Variants in RANBP2 observed in about 807,000 individuals in gnomAD.
RANBP2 encodes RAN binding protein 2, also known as E3 SUMO-protein ligase RanBP2.
In RANBP2, 57 loss-of-function variants were observed where a neutral mutation model predicts 303.6. The observed-to-expected ratio is 0.19, with a 90% confidence interval of 0.15 to 0.23. The LOEUF (loss-of-function observed/expected upper bound fraction) is 0.23. RANBP2 is among the 10% of genes least tolerant of loss of function. RANBP2 has a pLI of 1.00. For synonymous variants in RANBP2, 1,167 were observed against 1,301.5 expected (o/e 0.90, Z 2.23); for missense variants, 3,138 against 3,780.8 (o/e 0.83, Z 4.46).
At chr2:108,971,981 G>A in the RANBP2 span, among the ~76,000 whole-genome samples, 3 of 152,184 alleles carry the variant, frequency 2.0e-5, no homozygotes, top group East Asian at 3.9e-4. Context: ...CCCGTGGCCC[G>A]GAGCTGAGGC....
the RANBP2 span, among the ~76,000 whole-genome samples, chr2:109,347,037 A>G: frequency 6.6e-6 from 1 of 152,132 alleles, no homozygotes; most frequent in Non-Finnish European, 1.5e-5. Flanking sequence ...ACCGCTGGCC[A>G]TGAGTCCTCT....
At chr2:109,644,131 A>C in the RANBP2 span, among the ~76,000 whole-genome samples, 11,023 of 66,322 alleles carry the variant, frequency 0.17, 1,092 homozygotes, top group African/African-American at 0.36. Flanking sequence ...AAAAAAAAAA[A>C]CAAAAAAACA....
At chr2:109,070,068 C>A in the RANBP2 span, among the ~76,000 whole-genome samples, 7 of 152,154 alleles carry the variant, frequency 4.6e-5, no homozygotes, top group Non-Finnish European at 7.3e-5. Flanking sequence ...AGGAAGGGAG[C>A]CAGCCTGCGA....
the RANBP2 span, among the ~76,000 whole-genome samples, chr2:108,886,007 C>T: frequency 6.6e-6 from 1 of 152,156 alleles, no homozygotes; most frequent in East Asian, 1.9e-4. Flanking sequence ...ATCCATTCGT[C>T]CGCTGATGGG....
chr2:109,436,378 C>T, the RANBP2 span, among the ~76,000 whole-genome samples: 1 of 152,198 alleles, frequency 6.6e-6, no homozygotes, highest in South Asian at 2.1e-4. Flanking sequence ...GCATCTATTT[C>T]TGGTATGGAA....
chr2:109,700,498 A>G, the RANBP2 span, among the ~76,000 whole-genome samples: 1 of 152,150 alleles, frequency 6.6e-6, no homozygotes, highest in Non-Finnish European at 1.5e-5. Context: ...TCCAGGTCAC[A>G]GATAGACAAA....
the RANBP2 span, among the ~76,000 whole-genome samples, chr2:109,525,572 G>T: frequency 5.3e-5 from 8 of 152,198 alleles, no homozygotes; most frequent in Non-Finnish European, 1.5e-5. Flanking sequence ...GAACCCCAGG[G>T]CACTGCAGCC....
At chr2:108,957,378 G>C in the RANBP2 span, among the ~76,000 whole-genome samples, 3 of 152,230 alleles carry the variant, frequency 2.0e-5, no homozygotes, top group Non-Finnish European at 2.9e-5. Context: ...TTAGGAAGTC[G>C]GGGGCAGGTA....
the RANBP2 span, among the ~76,000 whole-genome samples, chr2:109,119,072 G>A: frequency 1.3e-5 from 2 of 152,244 alleles, no homozygotes; most frequent in African/African-American, 4.8e-5. Context: ...TAGGTGCAAT[G>A]AGGCTCTGAC....
At chr2:109,487,011 A>G in the RANBP2 span, among the ~76,000 whole-genome samples, 6 of 152,296 alleles carry the variant, frequency 3.9e-5, no homozygotes, top group South Asian at 1.2e-3. Context: ...GATCCCCCCA[A>G]CAGAGAGGAG....
At chr2:109,317,553 G>A in the RANBP2 span, among the ~76,000 whole-genome samples, 1 of 152,144 alleles carries the variant, frequency 6.6e-6, no homozygotes. Flanking sequence ...TGCCGGGCCT[G>A]CCTCATCTCT....
At position 108,720,772 on chromosome 2, in the gene RANBP2, G is replaced by A. The variant is rs191903943; in HGVS notation, c.72+1094G>A. Among the ~76,000 whole-genome samples, 685 of 152,336 alleles carry A rather than the reference G, an allele frequency of 4.5e-3. 4 individuals are homozygous for A. The highest frequency in any genetic ancestry group is 0.016 in the African/African-American group (654 of 41,570). ...GATGTTAAAAGGATATTGGCGGGGC[G>A]CAGTGGCTCACGCCTGTAATCCCAC... On this transcript the variant is annotated intron_variant, in intron 1 of 28. Transcript: ENST00000283195.
the RANBP2 span, among the ~76,000 whole-genome samples, chr2:109,713,966 A>C: frequency 1.8e-4 from 28 of 152,254 alleles, no homozygotes; most frequent in Non-Finnish European, 3.8e-4. Context: ...TTCTGACACT[A>C]TCTACCTGGA....
chr2:109,582,789 T>C, the RANBP2 span, among the ~76,000 whole-genome samples: 4 of 152,160 alleles, frequency 2.6e-5, no homozygotes, highest in Non-Finnish European at 5.9e-5. Context: ...ACTATAAGGC[T>C]ACAGTAACCA....
chr2:109,055,468 T>G, the RANBP2 span, among the ~76,000 whole-genome samples: 27 of 151,902 alleles, frequency 1.8e-4, no homozygotes, highest in South Asian at 4.0e-3. Flanking sequence ...TTCAAGCGAT[T>G]CTTCTGCCTC....
the RANBP2 span, among the ~76,000 whole-genome samples, chr2:109,340,618 C>T: frequency 1.3e-5 from 2 of 152,202 alleles, no homozygotes; most frequent in African/African-American, 4.8e-5. Flanking sequence ...GGCCCCGGCA[C>T]CCAGGGTCCT....
At chr2:109,236,654 G>A in the RANBP2 span, among the ~76,000 whole-genome samples, 1 of 152,176 alleles carries the variant, frequency 6.6e-6, no homozygotes, top group Non-Finnish European at 1.5e-5. Context: ...CAAATGGGGA[G>A]ATTAAAGACG....
At chr2:109,133,036 C>G in the RANBP2 span, among the ~76,000 whole-genome samples, 3 of 152,272 alleles carry the variant, frequency 2.0e-5, no homozygotes, top group East Asian at 5.8e-4. Flanking sequence ...CGGCTAGGCA[C>G]TATTATAGGT....
the RANBP2 span, among the ~76,000 whole-genome samples, chr2:108,936,500 G>A: frequency 1.3e-5 from 2 of 152,044 alleles, no homozygotes; most frequent in Non-Finnish European, 2.9e-5. Flanking sequence ...CCCACCCAGC[G>A]CTACTCTCCT....
Sources: allele counts gnomAD v4.1 joint callset (sites outside exome capture counted in the v4.1 genomes callset), GRCh38; gene constraint gnomAD v4.1.1; transcripts MANE v1.5; gene names NCBI Gene and HGNC (gene_info 2026-07-23, HGNC 2026-07-21).